SLC43A2: variants seen among roughly 807,000 people sequenced by gnomAD.
SLC43A2 encodes the protein large neutral amino acids transporter small subunit 4.
A neutral mutation model predicts 63.2 loss-of-function variants in SLC43A2; 38 were observed. The ratio of observed to expected loss-of-function variants is 0.60; its 90% CI spans 0.46 to 0.79. The LOEUF (loss-of-function observed/expected upper bound fraction) is 0.79. Among genes scored for constraint, SLC43A2 ranks in the 30% least tolerant of loss-of-function variants. The pLI is 0.00. For synonymous variants in SLC43A2, 322 were observed against 331.0 expected, an observed-to-expected ratio of 0.97 and a Z score of 0.30; for missense variants, 644 against 756.2, an observed-to-expected ratio of 0.85 and a Z score of 1.74.
chr17:1,620,641 C>T (rs1023596899), intron 2 of SLC43A2, among the ~76,000 whole-genome samples: 3 of 151,982 alleles, frequency 2.0e-5, no homozygotes, highest in Non-Finnish European at 2.9e-5. Context: ...CGCCTGGGGC[C>T]GGGGAGGTGA....
chr17:1,601,758 TGAGCCA>T (rs1387952107), intron 5 of SLC43A2, among the ~76,000 whole-genome samples: 4 of 150,444 alleles, frequency 2.7e-5, no homozygotes, highest in Admixed American at 6.6e-5. Flanking sequence ...AAGGTGCTAT[TGAGCCA>T]GAGTCCTGCA....
rs368932970 is a variant in SLC43A2, at chr17:1,578,907, G to A, written c.1351-584C>T. On this transcript the variant is annotated intron_variant, in intron 11 of 13. Transcript: ENST00000301335. This position sits in a 1 kb window ranked among gnomAD's most constrained non-coding sequence, Gnocchi z 6.5. Reference sequence around the variant, plus strand: ...CGTAATCCCAGTGCTTTGGGAGGCCGAGGAGGTGGATCACCTGAGGTCAGG... The same window carrying A: ...CGTAATCCCAGTGCTTTGGGAGGCCAAGGAGGTGGATCACCTGAGGTCAGG... Among the ~76,000 whole-genome samples the A allele has an allele frequency of 2.0e-5, 3 of 152,228 alleles. No homozygotes were observed. The East Asian group carries it at 5.8e-4, about 30-fold the overall frequency.
intron 1 of SLC43A2, 65 bp from the exon 2 acceptor site, chr17:1,627,985 C>T (rs975650175): frequency 2.4e-6 from 3 of 1,264,504 alleles, no homozygotes; most frequent in Non-Finnish European, 3.0e-6. Flanking sequence ...CCCCAGCAGC[C>T]CCGACCGCTG....
chr17:1,607,125 C>A (rs1387997628), intron 5 of SLC43A2, among the ~76,000 whole-genome samples: 1 of 14,518 alleles, frequency 6.9e-5, no homozygotes, highest in Non-Finnish European at 4.4e-3. Context: ...CGAATTAAGG[C>A]TTCCACAGCG....
At chr17:1,598,160 C>T (rs1017484037) in intron 5 of SLC43A2, among the ~76,000 whole-genome samples, 1 of 152,316 alleles carries the variant, frequency 6.6e-6, no homozygotes, top group East Asian at 1.9e-4. Flanking sequence ...CGGTGGCTCA[C>T]GCCTGTAATC....
At chr17:1,624,688 T>G (rs1259259096) in intron 2 of SLC43A2, among the ~76,000 whole-genome samples, 2 of 151,570 alleles carry the variant, frequency 1.3e-5, no homozygotes, top group Non-Finnish European at 2.9e-5. Flanking sequence ...CCCAGGAGTT[T>G]GAGACCAGCC....
At chr17:1,628,234 A>AGG (rs1908871014) in intron 1 of SLC43A2, 1 of 189,366 alleles carries the variant, frequency 5.3e-6, no homozygotes, top group South Asian at 1.9e-4. Flanking sequence ...AGGGCCGTGG[A>AGG]ACTAGTCCTG....
rs571438243 is a variant in SLC43A2, at chr17:1,613,064, G to A, written c.501+131C>T. 19 of 787,018 alleles carry A rather than the reference G, an allele frequency of 2.4e-5. No individual in the cohort carries two copies. The African/African-American group carries it at 3.1e-4, about 13-fold the overall frequency. The allele number at this position is 787,018 out of a possible 1,614,324, so 48.8% of individuals were successfully genotyped here. Reference sequence around the variant, plus strand: ...GCCCTGCCAGGCCACCTCGCCCATAGCCCCTCTACTGTTTGGGACACCCAG... The same window carrying A: ...GCCCTGCCAGGCCACCTCGCCCATAACCCCTCTACTGTTTGGGACACCCAG... On this transcript the variant is annotated intron_variant, in intron 5 of 13. Transcript: ENST00000301335.
At chr17:1,612,483 C>A (rs776198335) in intron 5 of SLC43A2, among the ~76,000 whole-genome samples, 1 of 152,228 alleles carries the variant, frequency 6.6e-6, no homozygotes, top group Non-Finnish European at 1.5e-5. Context: ...CGGACAAAGG[C>A]AAAGGTTGAG....
In SLC43A2 at chr17:1,616,845, A is replaced by G. The variant is rs550052346; in HGVS notation, c.161-76T>C. 2.9e-4 allele frequency: 442 copies of G among 1,515,776 alleles called. No homozygotes were observed. The African/African-American group carries it at 5.3e-3, about 18-fold the overall frequency. 93.9% of individuals were successfully genotyped at this position (1,515,776 alleles called of 1,614,324 possible). A position where few individuals can be genotyped will look rare whatever the true frequency, so the allele number is the denominator to read the frequency against. ...CCAAAGATCAGAAGGGCAGGTGCCC[A>G]TTCAGAGTCCCCCCACTGGGAATGC... On this transcript the variant is annotated intron_variant, in intron 2 of 13. Coordinates refer to ENST00000301335, the MANE Select transcript of SLC43A2 (RefSeq NM_152346.3).
intron 5 of SLC43A2, among the ~76,000 whole-genome samples, chr17:1,600,149 TATA>T (rs1188085084): frequency 6.6e-4 from 60 of 90,798 alleles, no homozygotes; most frequent in African/African-American, 2.4e-3. Context: ...TATATATATA[TATA>T]TTTTTTTTTT....
Position 1,605,139 on chromosome 17 carries a change from G to A in SLC43A2, c.501+8056C>T, listed in dbSNP as rs1458311161. Reference sequence around the variant, plus strand: ...AGGTGCTTCCCACAGCCCCCTCGCCGCCTCTGCCTCCGTGCGGGTCAACCT... The same window carrying A: ...AGGTGCTTCCCACAGCCCCCTCGCCACCTCTGCCTCCGTGCGGGTCAACCT... On this transcript the variant is annotated intron_variant, in intron 5 of 13. Transcript: ENST00000301335. The surrounding 1 kb of genome is among the most constrained non-coding windows in gnomAD (Gnocchi z 4.9). 5.5e-6 allele frequency: 7 copies of A among 1,275,976 alleles called. No individual in the cohort carries two copies. The highest frequency in any genetic ancestry group is 1.5e-5 in the African/African-American group (1 of 65,450). 79.0% of individuals were successfully genotyped at this position (1,275,976 alleles called of 1,614,324 possible). A position where few individuals can be genotyped will look rare whatever the true frequency, so the allele number is the denominator to read the frequency against.
chr17:1,590,352 T>C (rs1038872223), intron 9 of SLC43A2, among the ~76,000 whole-genome samples: 5 of 152,010 alleles, frequency 3.3e-5, no homozygotes, highest in African/African-American at 4.8e-5. Flanking sequence ...CAGATCCCAG[T>C]GTGGGCCAGT....
Position 1,591,622 on chromosome 17 carries a change from G to A in SLC43A2, c.672C>T (p.Asn224=). The change falls in exon 7 of 14, where the codon AAC becomes AAT. Residue 224 remains asparagine (N), a synonymous_variant. Coordinates refer to ENST00000301335, the MANE Select transcript of SLC43A2 (RefSeq NM_152346.3). ...WAGCSGLVFL[N]CFFNWPLEPF... is the part of the protein sequence containing the mutation. ...GCTCAAGGGGCCAGTTAAAGAAGCA[G>A]TTGAGGAAAACCAGCCCGGAGCAGC... is the stretch of plus-strand genomic sequence containing the variant. 1 of 1,548,530 alleles carries A rather than the reference G, an allele frequency of 6.5e-7. No individual in the cohort carries two copies.
intron 3 of SLC43A2, 83 bp from the exon 4 acceptor site, chr17:1,615,117 G>A (rs1175741338): frequency 1.3e-6 from 2 of 1,544,526 alleles, no homozygotes; most frequent in Non-Finnish European, 1.8e-6. Flanking sequence ...TTGGTTTTTG[G>A]TTTTTCTTGA....
chr17:1,584,937 C>A (rs1430949368), intron 10 of SLC43A2, among the ~76,000 whole-genome samples: 1 of 152,202 alleles, frequency 6.6e-6, no homozygotes, highest in African/African-American at 2.4e-5. Context: ...CAATCATGAA[C>A]AACTCTATTA....
In SLC43A2 at chr17:1,590,782, A is replaced by C. The variant is rs766486307; in HGVS notation, c.1078+20T>G. The C allele has an allele frequency of 6.4e-7, 1 of 1,551,114 alleles. No individual in the cohort carries two copies. Among genetic ancestry groups the C allele is most frequent in the South Asian group, 1.2e-5 (1 of 84,118 alleles). On this transcript the variant is annotated intron_variant, in intron 9 of 13. Transcript: ENST00000301335. ...TCAGGCCGGGGAGTGACAGCGACCG[A>C]GGCTGCCCGGGGCACCTACCTGTCT...
At chr17:1,580,116 G>T (rs963854324) in intron 11 of SLC43A2, among the ~76,000 whole-genome samples, 1 of 151,986 alleles carries the variant, frequency 6.6e-6, no homozygotes, top group African/African-American at 2.4e-5. Context: ...TTGTAGAGAC[G>T]GGGTTTCACT....
Position 1,591,603 on chromosome 17 carries a change from G to A in SLC43A2, c.691C>T (p.Leu231Phe), listed in dbSNP as rs1418899765. The stretch of plus-strand genomic sequence containing the variant: ...TCCTCCGGCCCCGGGAAGGGCTCAA[G>A]GGGCCAGTTAAAGAAGCAGTTGAGG... ...VFLNCFFNWP[L>F]EPFPGPEDMD... The change falls in exon 7 of 14, where the codon CTT becomes TTT. Residue 231 changes from leucine to phenylalanine, a missense_variant. Leu to Phe is a conservative substitution (Grantham distance 22). This residue lies in a region of SLC43A2 where 528 missense variants were observed against 623.6 expected (regional missense o/e 0.85). Transcript: ENST00000301335. 6.5e-7 allele frequency: 1 copy of A among 1,549,778 alleles called. No homozygotes were observed. The highest frequency in any genetic ancestry group is 2.4e-5 in the East Asian group (1 of 40,908).
Sources: gnomAD v4.1 joint callset for allele counts (sites outside exome capture counted in the v4.1 genomes callset) on GRCh38, gnomAD v4.1.1 for gene constraint, gnomAD v4.1.1 regional missense constraint, Gnocchi (gnomAD v3.1) non-coding constraint, MANE v1.5 for transcripts, NCBI Gene and HGNC (gene_info 2026-07-23, HGNC 2026-07-21) for gene names.